The following LRPPRC variants were observed in gnomAD, a reference collection of about 807,000 sequenced individuals.
LRPPRC encodes leucine rich pentatricopeptide repeat containing.
In LRPPRC, 120 loss-of-function variants were observed where a neutral mutation model predicts 180.3. The ratio of observed to expected loss-of-function variants is 0.67; its 90% CI spans 0.57 to 0.77. The LOEUF is 0.77. Ranked by LOEUF, LRPPRC falls within the 30% of genes least tolerant of loss-of-function variation. The probability of loss-of-function intolerance (pLI) is 0.00; values close to 1 mark genes in which losing one functional copy is unlikely to be tolerated. For missense variants in LRPPRC, 2,012 were observed against 1,657.2 expected (o/e 1.21, Z -3.72); for synonymous variants, 723 against 600.0 (o/e 1.21, Z -3.00).
At chr2:43,899,068 C>A in intron 34 of LRPPRC, 151 bp downstream of exon 34, 1 of 681,684 alleles carries the variant, frequency 1.5e-6, no homozygotes, top group Admixed American at 2.1e-5. Flanking sequence ...CAGTCCTTGT[C>A]CTGCAACCGT....
At chr2:43,948,377 G>T (rs1046681279) in intron 17 of LRPPRC, 35 bp downstream of exon 17, 1 of 1,254,678 alleles carries the variant, frequency 8.0e-7, no homozygotes, top group Non-Finnish European at 1.2e-6. Flanking sequence ...ATGTCAGGCA[G>T]GACAGGCATT....
Position 43,917,474 on chromosome 2 carries a change from C to A in LRPPRC, c.3148+551G>T, listed in dbSNP as rs941503831. On this transcript the variant is annotated intron_variant, in intron 29 of 37. Coordinates refer to ENST00000260665, the MANE Select transcript of LRPPRC (RefSeq NM_133259.4). Reference sequence around the variant, plus strand: ...TTTCCCTATAAGTAAATCATAATACCATTATCACATCTAATAAAAATAAGA... The same window carrying A: ...TTTCCCTATAAGTAAATCATAATACAATTATCACATCTAATAAAAATAAGA... Among the ~76,000 whole-genome samples, 6 of 151,468 alleles carry A rather than the reference C, an allele frequency of 4.0e-5. No individual in the cohort carries two copies. In the South Asian group the frequency reaches 1.2e-3, roughly 32 times the overall value.
intron 11 of LRPPRC, among the ~76,000 whole-genome samples, chr2:43,973,342 A>T (rs1559039153): frequency 6.6e-6 from 1 of 152,088 alleles, no homozygotes; most frequent in South Asian, 2.1e-4. Flanking sequence ...TTAAGAACTT[A>T]AAAAAACTAC....
At chr2:43,935,317 C>T (rs766834869) in intron 23 of LRPPRC, among the ~76,000 whole-genome samples, 5 of 152,112 alleles carry the variant, frequency 3.3e-5, no homozygotes, top group East Asian at 1.9e-4. Context: ...ATTTGGTAAA[C>T]GTTATTAAAT....
rs1275150222 is a variant in LRPPRC at position 43,886,554 on chromosome 2, C to T, written c.*2046G>A. The T allele has an allele frequency of 1.3e-5, 2 of 152,154 alleles. No homozygotes were observed. Among genetic ancestry groups the T allele is most frequent in the Non-Finnish European group, 2.9e-5 (2 of 68,042 alleles). The allele number at this position is 152,154 out of a possible 1,614,324, so 9.4% of individuals were successfully genotyped here. On this transcript the variant is annotated 3_prime_UTR_variant, in exon 38 of 38. Coordinates refer to ENST00000260665, the MANE Select transcript of LRPPRC (RefSeq NM_133259.4). ...TGAACAGCTAGTCCTTTGTAACACC[C>T]CCCCGCTGCTGCCGAGAGGGCTAGA...
At chr2:43,981,128 G>T (rs746278783) in intron 2 of LRPPRC, among the ~76,000 whole-genome samples, 1 of 152,184 alleles carries the variant, frequency 6.6e-6, no homozygotes, top group East Asian at 1.9e-4. Context: ...TGGGGGTCGG[G>T]GGCAGGGAGT....
At chr2:43,969,613 A>C (rs1673715101) in intron 11 of LRPPRC, among the ~76,000 whole-genome samples, 1 of 152,122 alleles carries the variant, frequency 6.6e-6, no homozygotes, top group African/African-American at 2.4e-5. Flanking sequence ...CTTAACTCTC[A>C]GGGTAGTCAC....
chr2:43,943,391 T>C (rs1397083147), intron 23 of LRPPRC, among the ~76,000 whole-genome samples: 1 of 152,052 alleles, frequency 6.6e-6, no homozygotes, highest in East Asian at 1.9e-4. Flanking sequence ...TTTTTTCTTA[T>C]ATTTATTAAT....
At chr2:43,916,642 T>C (rs1671477419) in intron 29 of LRPPRC, among the ~76,000 whole-genome samples, 1 of 152,210 alleles carries the variant, frequency 6.6e-6, no homozygotes, top group South Asian at 2.1e-4. Context: ...AAAAATTTCA[T>C]ATGTACAGCA....
chr2:43,909,008 T>C (rs1671160472), intron 30 of LRPPRC, among the ~76,000 whole-genome samples: 1 of 152,178 alleles, frequency 6.6e-6, no homozygotes, highest in East Asian at 1.9e-4. Context: ...AAAGCAGCAG[T>C]TGTTTTTCAC....
intron 29 of LRPPRC, among the ~76,000 whole-genome samples, chr2:43,917,658 G>A (rs1040474354): frequency 6.6e-6 from 1 of 152,034 alleles, no homozygotes; most frequent in Non-Finnish European, 1.5e-5. Flanking sequence ...GCGTGGGGGC[G>A]GACACCTGTA....
intron 25 of LRPPRC, among the ~76,000 whole-genome samples, chr2:43,932,674 TTAA>T (rs1441370028): frequency 6.6e-6 from 1 of 152,174 alleles, no homozygotes; most frequent in Non-Finnish European, 1.5e-5. Flanking sequence ...GCAAAGGGAA[TTAA>T]TATTATTGAT....
rs781484771 is a variant in LRPPRC at position 43,943,803 on chromosome 2, T to C, written c.2388A>G (p.Ala796=). The C allele has an allele frequency of 4.3e-6, 7 of 1,613,524 alleles. No homozygotes were observed. In the East Asian group the frequency reaches 1.6e-4, roughly 36 times the overall value. ...ALSFFHMLNG[A]ALRGEIETVK... Reference sequence around the variant, plus strand: ...CTGTTTCAATTTCACCTCTTAAAGCTGCGCCATTTAGCATGTGGAAAAAGG... The same window carrying C: ...CTGTTTCAATTTCACCTCTTAAAGCCGCGCCATTTAGCATGTGGAAAAAGG... The change falls in exon 23 of 38, where the codon GCA becomes GCG. Residue 796 remains alanine (A), a synonymous_variant. Coordinates refer to ENST00000260665, the MANE Select transcript of LRPPRC (RefSeq NM_133259.4).
rs1483833994 is a variant in LRPPRC, at chr2:43,901,748, GT to G, written c.3365-225del. ...GAGGCCCGAGGAATTTCTTCTTTAAGTCACAGAGAAAATACAAATGTTACCG... is the reference window on the plus strand; with the variant it reads ...GAGGCCCGAGGAATTTCTTCTTTAAGCACAGAGAAAATACAAATGTTACCG... On this transcript the variant is annotated intron_variant, in intron 31 of 37. Coordinates refer to ENST00000260665, the MANE Select transcript of LRPPRC (RefSeq NM_133259.4). The G allele has an allele frequency of 9.6e-6, 5 of 523,180 alleles. No homozygotes were observed. The East Asian group carries it at 1.6e-4, about 17-fold the overall frequency. 32.4% of individuals were successfully genotyped at this position (523,180 alleles called of 1,614,324 possible).
intron 31 of LRPPRC, among the ~76,000 whole-genome samples, chr2:43,904,157 G>A (rs553771059): frequency 3.1e-4 from 47 of 152,142 alleles, no homozygotes; most frequent in African/African-American, 1.0e-3. Context: ...GCCCAGGCTG[G>A]TCTTGAACTC....
chr2:43,969,268 C>CG (rs1044761838), intron 11 of LRPPRC, among the ~76,000 whole-genome samples: 1 of 151,978 alleles, frequency 6.6e-6, no homozygotes, highest in Non-Finnish European at 1.5e-5. Flanking sequence ...AAAGATTAGC[C>CG]GGGCGTGGTG....
At chr2:43,990,989 G>A (rs1240757137) in intron 1 of LRPPRC, among the ~76,000 whole-genome samples, 2 of 151,678 alleles carry the variant, frequency 1.3e-5, no homozygotes, top group African/African-American at 2.4e-5. Flanking sequence ...GGGATTACAG[G>A]CATGGGCCAC....
intron 23 of LRPPRC, among the ~76,000 whole-genome samples, chr2:43,935,674 A>T (rs1672250064): frequency 6.6e-6 from 1 of 152,238 alleles, no homozygotes; most frequent in Admixed American, 6.5e-5. Flanking sequence ...TTCCCCCCAT[A>T]AAAGGACAAT....
chr2:43,935,251 A>T (rs561107286), intron 23 of LRPPRC, among the ~76,000 whole-genome samples: 1 of 152,232 alleles, frequency 6.6e-6, no homozygotes, highest in African/African-American at 2.4e-5. Flanking sequence ...ACTACCGTCA[A>T]ATACTTTTTT....
Sources: gnomAD v4.1 joint callset for allele counts (sites outside exome capture counted in the v4.1 genomes callset) on GRCh38, gnomAD v4.1.1 for gene constraint, MANE v1.5 for transcripts, NCBI Gene and HGNC (gene_info 2026-07-23, HGNC 2026-07-21) for gene names.